The following INPP5D variants were observed in gnomAD, a reference collection of about 807,000 sequenced individuals.
The protein encoded by INPP5D is phosphatidylinositol 3,4,5-trisphosphate 5-phosphatase 1.
A neutral mutation model predicts 122.9 loss-of-function variants in INPP5D; 33 were observed. The observed-to-expected ratio is 0.27, with a 90% CI of 0.20 to 0.36. The LOEUF (loss-of-function observed/expected upper bound fraction) is 0.36. INPP5D is among the 10% of genes least tolerant of loss of function. The probability of loss-of-function intolerance (pLI) is 1.00; values close to 1 mark genes in which losing one functional copy is unlikely to be tolerated. For synonymous variants in INPP5D, 584 were observed against 576.2 expected, an observed-to-expected ratio of 1.01 and a Z score of -0.19; for missense variants, 1,053 against 1,412.7, an observed-to-expected ratio of 0.75 and a Z score of 4.08.
At chr2:233,063,112 A>T (rs376037640) in intron 1 of INPP5D, among the ~76,000 whole-genome samples, 1 of 152,234 alleles carries the variant, frequency 6.6e-6, no homozygotes, top group African/African-American at 2.4e-5. Flanking sequence ...AGAGGCAGAC[A>T]GTCCCAGGCT....
intron 17 of INPP5D, 113 bp downstream of exon 17, chr2:233,171,265 G>T: frequency 6.8e-7 from 1 of 1,460,168 alleles, no homozygotes; most frequent in Non-Finnish European, 9.1e-7. Context: ...AAAAAGGAAA[G>T]AAAAAAATTA....
At chr2:233,067,157 T>C (rs1177078472) in intron 1 of INPP5D, among the ~76,000 whole-genome samples, 1 of 152,190 alleles carries the variant, frequency 6.6e-6, no homozygotes, top group East Asian at 1.9e-4. Context: ...TCCAGGACAT[T>C]CTCAATACCT....
intron 9 of INPP5D, among the ~76,000 whole-genome samples, chr2:233,154,029 C>T (rs1693986899): frequency 6.6e-6 from 1 of 152,252 alleles, no homozygotes; most frequent in East Asian, 1.9e-4. Flanking sequence ...TGCGGAGAAG[C>T]CCTGCTCGAC....
intron 1 of INPP5D, among the ~76,000 whole-genome samples, chr2:233,076,952 C>T (rs1288540750): frequency 6.6e-6 from 1 of 152,180 alleles, no homozygotes; most frequent in African/African-American, 2.4e-5. Flanking sequence ...ACAGTTGGTA[C>T]AGTTGGTAGT....
chr2:233,142,431 T>C (rs1693652347), intron 6 of INPP5D, among the ~76,000 whole-genome samples: 1 of 152,140 alleles, frequency 6.6e-6, no homozygotes, highest in South Asian at 2.1e-4. Context: ...GACAGTAATA[T>C]CTCTGCAGGG....
At chr2:233,096,973 A>ATTT (rs1293173015) in intron 2 of INPP5D, among the ~76,000 whole-genome samples, 1 of 152,192 alleles carries the variant, frequency 6.6e-6, no homozygotes, top group Non-Finnish European at 1.5e-5. Context: ...TTTAGGGAAA[A>ATTT]TGCTATTTTC....
chr2:233,122,645 CT>C (rs2106256522), intron 3 of INPP5D, among the ~76,000 whole-genome samples: 1 of 152,134 alleles, frequency 6.6e-6, no homozygotes, highest in African/African-American at 2.4e-5. Flanking sequence ...CTACAAAAAG[CT>C]TTTTAAAAAA....
Position 233,206,448 on chromosome 2 carries a change from A to C in INPP5D, c.3568-258A>C, listed in dbSNP as rs1489127716. On this transcript the variant is annotated intron_variant, in intron 26 of 26. Transcript: ENST00000445964. The surrounding 1 kb of genome is among the most constrained non-coding windows in gnomAD (Gnocchi z 4.0). ...AGGCTGAGGCATGAGGCTAGCTGGA[A>C]CCCAAGAATTCAAGGCTGCAGTGAG... 6.6e-6 allele frequency among the ~76,000 whole-genome samples: 1 copy of C among 152,064 alleles called. No individual in the cohort carries two copies. The highest frequency in any genetic ancestry group is 1.9e-4 in the East Asian group (1 of 5,184).
intron 1 of INPP5D, among the ~76,000 whole-genome samples, chr2:233,068,155 T>C (rs147209169): frequency 0.052 from 7,972 of 151,998 alleles, 547 homozygotes; most frequent in African/African-American, 0.16. Context: ...GATGGTGGCA[T>C]ATGCCTGTAA....
Position 233,177,319 on chromosome 2 carries a change from C to T in INPP5D, c.2044C>T (p.Leu682=), listed in dbSNP as rs1165902057. The T allele has an allele frequency of 6.2e-7, 1 of 1,613,898 alleles. No individual in the cohort carries two copies. The highest frequency in any genetic ancestry group is 1.1e-5 in the South Asian group (1 of 91,076). Residue 682 remains leucine (L), a synonymous_variant, in exon 18 of 27, where the codon CTG becomes TTG. Transcript: ENST00000445964. The surrounding 1 kb of genome is among the most constrained non-coding windows in gnomAD (Gnocchi z 4.2). Reference sequence around the variant, plus strand: ...CCGAGTCCTCTGGAAGTCTTATCCCCTGGTGCACGTGGTGTGTCAGTCTTA... The same window carrying T: ...CCGAGTCCTCTGGAAGTCTTATCCCTTGGTGCACGTGGTGTGTCAGTCTTA... ...CDRVLWKSYP[L]VHVVCQSYGS...
intron 9 of INPP5D, 79 bp from the exon 10 acceptor site, chr2:233,158,234 G>A: frequency 1.6e-6 from 1 of 626,716 alleles, no homozygotes; most frequent in Non-Finnish European, 2.9e-6. Flanking sequence ...TGATAGTCAG[G>A]TGCCTGGAAC....
At chr2:233,071,019 A>G (rs1229003404) in intron 1 of INPP5D, among the ~76,000 whole-genome samples, 3 of 151,848 alleles carry the variant, frequency 2.0e-5, no homozygotes, top group African/African-American at 7.3e-5. Flanking sequence ...CACACCTGTA[A>G]TTGCAGCACT....
chr2:233,204,796 A>T (rs776551620), intron 26 of INPP5D, 79 bp downstream of exon 26: 8 of 1,241,026 alleles, frequency 6.4e-6, no homozygotes, highest in Non-Finnish European at 8.4e-6. Flanking sequence ...ACCTATGCAT[A>T]TGTGTGTGCA....
At chr2:233,130,015 T>A (rs1452568231) in intron 4 of INPP5D, among the ~76,000 whole-genome samples, 1 of 152,116 alleles carries the variant, frequency 6.6e-6, no homozygotes, top group Non-Finnish European at 1.5e-5. Flanking sequence ...GATTCTCCTG[T>A]CTCAGCCTCC....
At chr2:233,154,881 T>C (rs1327587394) in intron 9 of INPP5D, among the ~76,000 whole-genome samples, 1 of 152,242 alleles carries the variant, frequency 6.6e-6, no homozygotes, top group Non-Finnish European at 1.5e-5. Context: ...TTTTGTTACA[T>C]TCCAGCCTTT....
intron 4 of INPP5D, among the ~76,000 whole-genome samples, chr2:233,127,615 CTT>C (rs1693199693): frequency 6.6e-6 from 1 of 152,068 alleles, no homozygotes; most frequent in Non-Finnish European, 1.5e-5. Flanking sequence ...CTACAACAAA[CTT>C]TTATTTTTGA....
intron 9 of INPP5D, among the ~76,000 whole-genome samples, chr2:233,154,157 G>GAT (rs1553584661): frequency 2.0e-5 from 3 of 151,460 alleles, no homozygotes; most frequent in Non-Finnish European, 2.9e-5. Flanking sequence ...AATTCTTTTT[G>GAT]TTTTTTTTGA....
chr2:233,073,821 C>G (rs1170607385), intron 1 of INPP5D, among the ~76,000 whole-genome samples: 1 of 152,082 alleles, frequency 6.6e-6, no homozygotes, highest in Non-Finnish European at 1.5e-5. Flanking sequence ...CAATCCATAG[C>G]TGCTATTTCC....
Position 233,125,799 on chromosome 2 carries a change from C to T in INPP5D, c.404C>T (p.Ala135Val), listed in dbSNP as rs1375227828. 6.2e-7 allele frequency: 1 copy of T among 1,613,956 alleles called. No homozygotes were observed. The highest frequency in any genetic ancestry group is 8.5e-7 in the Non-Finnish European group (1 of 1,179,848). Reference protein sequence around the residue: ...ELPPRNIPLTASSCEAKEVPF... With the variant: ...ELPPRNIPLTVSSCEAKEVPF... ...CCCCCAAGAAACATCCCGCTGACTG[C>T]CAGCTCCTGTGAGGCCAAGGAGGTT... Residue 135 changes from alanine to valine, a missense_variant, in exon 4 of 27, where the codon GCC (alanine) becomes GTC (valine). By Grantham distance (64) the Ala-to-Val change is moderately conservative. This residue lies in a region of INPP5D where 196 missense variants were observed against 175.6 expected (regional missense o/e 1.12). Coordinates refer to ENST00000445964, the MANE Select transcript of INPP5D (RefSeq NM_001017915.3).
Sources: gnomAD v4.1 joint callset for allele counts (sites outside exome capture counted in the v4.1 genomes callset) on GRCh38, gnomAD v4.1.1 for gene constraint, gnomAD v4.1.1 regional missense constraint, Gnocchi (gnomAD v3.1) non-coding constraint, MANE v1.5 for transcripts, NCBI Gene and HGNC (gene_info 2026-07-23, HGNC 2026-07-21) for gene names.